Variants in OSBPL10 observed in about 807,000 individuals in gnomAD.
The protein encoded by OSBPL10 is oxysterol-binding protein-related protein 10.
OSBPL10 carries 49 observed loss-of-function variants against 81.7 expected under a neutral mutation model. That is an observed-to-expected ratio of 0.60 (90% confidence interval 0.48 to 0.76). OSBPL10 has a LOEUF of 0.76. Among genes scored for constraint, OSBPL10 ranks in the 30% least tolerant of loss-of-function variants. OSBPL10 has a pLI of 0.00. For synonymous variants in OSBPL10, 419 were observed against 383.6 expected, an observed-to-expected ratio of 1.09 and a Z score of -1.08; for missense variants, 923 against 987.8, an observed-to-expected ratio of 0.93 and a Z score of 0.88.
At chr3:31,982,773 G>A (rs1023841970), upstream of OSBPL10, among the ~76,000 whole-genome samples, 3 of 152,180 alleles carry the variant, frequency 2.0e-5, no homozygotes, top group Admixed American at 1.3e-4. Context: ...CTGCAAAATG[G>A]GACAAATGAT....
At chr3:31,677,248 G>A (rs144023906) in intron 8 of OSBPL10, among the ~76,000 whole-genome samples, 15 of 152,296 alleles carry the variant, frequency 9.8e-5, no homozygotes, top group African/African-American at 3.1e-4. Flanking sequence ...CTTCTGCTTC[G>A]AAGTTTGGAG....
intron 4 of OSBPL10, among the ~76,000 whole-genome samples, chr3:31,796,806 T>C (rs988380677): frequency 6.6e-6 from 1 of 151,978 alleles, no homozygotes; most frequent in Non-Finnish European, 1.5e-5. Context: ...AATGAGGGCT[T>C]TTACCTTAGG....
intron 1 of OSBPL10, among the ~76,000 whole-genome samples, chr3:31,936,130 GCTT>G (rs1697375677): frequency 6.6e-6 from 1 of 152,072 alleles, no homozygotes; most frequent in African/African-American, 2.4e-5. Flanking sequence ...CCATTCCTGA[GCTT>G]CTCTAAGGTT....
intron 7 of OSBPL10, among the ~76,000 whole-genome samples, chr3:31,694,471 AATT>A: frequency 6.6e-6 from 1 of 151,830 alleles, no homozygotes; most frequent in Middle Eastern, 3.4e-3. Context: ...TAAATTTTAA[AATT>A]ATTTTAATTT....
At chr3:31,744,386 CA>C (rs1697453565) in intron 5 of OSBPL10, among the ~76,000 whole-genome samples, 1 of 151,754 alleles carries the variant, frequency 6.6e-6, no homozygotes, top group African/African-American at 2.4e-5. Context: ...ACTAAAAATA[CA>C]AAAATTAGCC....
At chr3:31,866,514 C>G (rs1364694160) in intron 3 of OSBPL10, among the ~76,000 whole-genome samples, 1 of 152,200 alleles carries the variant, frequency 6.6e-6, no homozygotes, top group Non-Finnish European at 1.5e-5. Context: ...GCCAGGGTGC[C>G]AAGCCAGCCC....
intron 1 of OSBPL10, among the ~76,000 whole-genome samples, chr3:32,050,807 G>A (rs1320817436): frequency 4.0e-5 from 6 of 151,844 alleles, no homozygotes; most frequent in African/African-American, 9.7e-5. Context: ...AATTACAGGC[G>A]CCTGCTACCA....
intron 3 of OSBPL10, among the ~76,000 whole-genome samples, chr3:31,848,117 T>C (rs1700677149): frequency 6.6e-6 from 1 of 152,104 alleles, no homozygotes; most frequent in African/African-American, 2.4e-5. Flanking sequence ...TGATGCAGAA[T>C]CAGGCTTGAC....
chr3:31,812,738 G>GA (rs1264979432), intron 4 of OSBPL10, among the ~76,000 whole-genome samples: 2 of 18,266 alleles, frequency 1.1e-4, no homozygotes, highest in East Asian at 5.4e-3. Context: ...AAGAAAGAAA[G>GA]AAAGAAAGAA....
At chr3:31,878,815 A>ATG (rs59233088) in intron 2 of OSBPL10, among the ~76,000 whole-genome samples, 3,123 of 136,060 alleles carry the variant, frequency 0.023, 44 homozygotes, top group African/African-American at 0.047. Flanking sequence ...CTGCGTGTCC[A>ATG]TGTGTGTGTG....
intron 1 of OSBPL10, among the ~76,000 whole-genome samples, chr3:31,972,907 A>G (rs1312162944): frequency 6.6e-6 from 1 of 152,210 alleles, no homozygotes; most frequent in African/African-American, 2.4e-5. Flanking sequence ...CAAGGAACAG[A>G]CTTGCAACAA....
chr3:31,761,813 T>TAAAAAAAAAAAAAAAAACAAAAAAAAA (rs1698050182), intron 4 of OSBPL10, among the ~76,000 whole-genome samples: 1 of 107,554 alleles, frequency 9.3e-6, no homozygotes, highest in Non-Finnish European at 1.7e-5. Flanking sequence ...AGACTGTCTC[T>TAAAAAAAAAAAAAAAAACAAAAAAAAA]AAAAAAAAAA....
intron 4 of OSBPL10, among the ~76,000 whole-genome samples, chr3:31,753,346 C>T (rs1034415041): frequency 6.6e-6 from 1 of 152,048 alleles, no homozygotes; most frequent in Non-Finnish European, 1.5e-5. Flanking sequence ...CCACCACGCC[C>T]GGCTAATTTT....
chr3:31,915,469 C>T (rs974099357), intron 1 of OSBPL10, among the ~76,000 whole-genome samples: 1 of 152,140 alleles, frequency 6.6e-6, no homozygotes, highest in African/African-American at 2.4e-5. Context: ...AACATGGATA[C>T]AGCTGGAGGC....
intron 6 of OSBPL10, among the ~76,000 whole-genome samples, chr3:31,727,336 C>T (rs746548955): frequency 4.0e-5 from 6 of 151,644 alleles, no homozygotes; most frequent in Admixed American, 6.6e-5. Flanking sequence ...GAGGAATGGC[C>T]ATTTGACTCC....
At position 31,670,900 on chromosome 3, in the gene OSBPL10, A is replaced by T. The variant is rs199691636; in HGVS notation, c.1810T>A (p.Trp604Arg). 462 of 1,614,006 alleles carry T rather than the reference A, an allele frequency of 2.9e-4. 1 individual carries two copies. The highest frequency in any genetic ancestry group is 3.7e-4 in the Non-Finnish European group (433 of 1,180,020). ...AYARSILTIP[W>R]VELGGKVSIN... ...CTGACTTTTCCTCCGAGCTCCACCC[A>T]CGGGATGGTGAGAATGGACCGGGCG... Residue 604 changes from tryptophan to arginine, a missense_variant, in exon 9 of 12, where the codon TGG becomes AGG. Around this residue, in one of 3 missense-constraint regions of OSBPL10, gnomAD observed 387 missense variants for 436.3 expected, o/e 0.89. Coordinates refer to ENST00000396556, the MANE Select transcript of OSBPL10 (RefSeq NM_017784.5).
At chr3:31,883,750 C>G (rs1333886946) in intron 1 of OSBPL10, among the ~76,000 whole-genome samples, 1 of 152,100 alleles carries the variant, frequency 6.6e-6, no homozygotes, top group Non-Finnish European at 1.5e-5. Context: ...CAGGCAGGTC[C>G]TGACTTCAGG....
chr3:31,690,093 G>A (rs1160882361), intron 7 of OSBPL10, among the ~76,000 whole-genome samples: 3 of 151,968 alleles, frequency 2.0e-5, no homozygotes, highest in Non-Finnish European at 4.4e-5. Flanking sequence ...GAGTTGATAT[G>A]GTTTGGATTT....
intron 7 of OSBPL10, among the ~76,000 whole-genome samples, chr3:31,684,475 C>T (rs1700740470): frequency 6.6e-6 from 1 of 152,214 alleles, no homozygotes; most frequent in East Asian, 1.9e-4. Context: ...TGTATTCCCC[C>T]TGCCATCAGG....
Sources: gnomAD v4.1 joint callset for allele counts (sites outside exome capture counted in the v4.1 genomes callset) on GRCh38, gnomAD v4.1.1 for gene constraint, gnomAD v4.1.1 regional missense constraint, MANE v1.5 for transcripts, NCBI Gene and HGNC (gene_info 2026-07-23, HGNC 2026-07-21) for gene names.